The following KCNK9 variants were observed in gnomAD, a reference collection of about 807,000 sequenced individuals.
KCNK9 encodes potassium two pore domain channel subfamily K member 9.
Under a neutral mutation model 10.8 loss-of-function variants are expected in KCNK9, and 1 was observed. The observed-to-expected ratio is 0.09, with a 90% confidence interval of 0.03 to 0.44. The LOEUF (loss-of-function observed/expected upper bound fraction) is 0.44, where lower values mean the gene tolerates loss of function less well. Ranked by LOEUF, KCNK9 falls within the 20% of genes least tolerant of loss-of-function variation. KCNK9 has a pLI of 0.97. For synonymous variants in KCNK9, 231 were observed against 222.7 expected (o/e 1.04, Z -0.33); for missense variants, 303 against 515.0 (o/e 0.59, Z 3.98).
intron 1 of KCNK9, among the ~76,000 whole-genome samples, chr8:139,686,545 C>G (rs1586691903): frequency 6.6e-6 from 1 of 152,162 alleles, no homozygotes; most frequent in African/African-American, 2.4e-5. Flanking sequence ...GTGCAAAATG[C>G]AAGAACTAAC....
At chr8:139,674,167 C>A (rs1183391056) in intron 1 of KCNK9, among the ~76,000 whole-genome samples, 2 of 152,166 alleles carry the variant, frequency 1.3e-5, no homozygotes, top group East Asian at 3.9e-4. Context: ...GGAGGTGGGG[C>A]CTTTGGGGGT....
At chr8:139,677,677 C>G (rs1816583486) in intron 1 of KCNK9, among the ~76,000 whole-genome samples, 1 of 150,220 alleles carries the variant, frequency 6.7e-6, no homozygotes, top group African/African-American at 2.5e-5. Flanking sequence ...CCTCGAGTCC[C>G]AGCCCAGTGG....
At chr8:139,609,439 C>T (rs1441595128), downstream of KCNK9, among the ~76,000 whole-genome samples, 4 of 152,214 alleles carry the variant, frequency 2.6e-5, no homozygotes, top group Non-Finnish European at 5.9e-5. Flanking sequence ...TCCCAGGAAG[C>T]AAAGAGAACC....
intron 1 of KCNK9, among the ~76,000 whole-genome samples, chr8:139,626,397 C>T (rs907025816): frequency 1.3e-5 from 2 of 152,210 alleles, no homozygotes; most frequent in African/African-American, 4.8e-5. Context: ...CAGGCCATTA[C>T]CCCGCTTACC....
In KCNK9 at chr8:139,687,384, G is replaced by GTGT. The variant is rs1816817711; in HGVS notation, c.283+15325_283+15326insACA. Among the ~76,000 whole-genome samples, 18 of 89,964 alleles carry GTGT rather than the reference G, an allele frequency of 2.0e-4. 5 individuals are homozygous for GTGT. The highest frequency in any genetic ancestry group is 2.4e-4 in the Admixed American group (2 of 8,432). The allele number at this position is 89,964 out of a possible 152,430, so 59.0% of individuals were successfully genotyped here. A position where few individuals can be genotyped will look rare whatever the true frequency, so the allele number is the denominator to read the frequency against. ...CATATATATGTGTATACATATATAT[G>GTGT]AATATATATGTGTATACATATATAT... On this transcript the variant is annotated intron_variant, in intron 1 of 1. Coordinates refer to ENST00000520439, the MANE Select transcript of KCNK9 (RefSeq NM_001282534.2).
chr8:139,647,157 G>A (rs1211179911), intron 1 of KCNK9, among the ~76,000 whole-genome samples: 2 of 152,246 alleles, frequency 1.3e-5, no homozygotes, highest in South Asian at 2.1e-4. Context: ...GCTTTTAGGG[G>A]AGCACTCCAC....
intron 1 of KCNK9, among the ~76,000 whole-genome samples, chr8:139,621,312 A>G (rs1814771462): frequency 6.6e-6 from 1 of 150,790 alleles, no homozygotes; most frequent in Non-Finnish European, 1.5e-5. Flanking sequence ...AAAAATAGCC[A>G]AATTTGATGA....
At chr8:139,694,623 G>A (rs573800415) in intron 1 of KCNK9, among the ~76,000 whole-genome samples, 5 of 152,326 alleles carry the variant, frequency 3.3e-5, no homozygotes, top group South Asian at 4.1e-4. Flanking sequence ...GCGTAGGGTA[G>A]GGACCTGCCC....
chr8:139,662,764 A>C (rs918188), intron 1 of KCNK9, among the ~76,000 whole-genome samples: 37,202 of 149,672 alleles, frequency 0.25, 4,894 homozygotes, highest in African/African-American at 0.34. Context: ...AGCCCAGAGG[A>C]TTTAGCAGAG....
chr8:139,684,573 G>C (rs1586690509), intron 1 of KCNK9, among the ~76,000 whole-genome samples: 1 of 152,146 alleles, frequency 6.6e-6, no homozygotes, highest in East Asian at 1.9e-4. Flanking sequence ...GAAAAAGAAG[G>C]CAAAAGGATC....
intron 1 of KCNK9, among the ~76,000 whole-genome samples, chr8:139,660,449 A>AAT (rs35118138): frequency 0.014 from 1,883 of 131,160 alleles, 19 homozygotes; most frequent in South Asian, 0.036. Context: ...GCTAAAAAAA[A>AAT]ATATATATAT....
intron 1 of KCNK9, among the ~76,000 whole-genome samples, chr8:139,694,517 G>T (rs1040974169): frequency 7.2e-5 from 11 of 152,202 alleles, no homozygotes; most frequent in Non-Finnish European, 1.3e-4. Flanking sequence ...CTGCTTCCCA[G>T]CTGTGTGCCT....
At chr8:139,646,202 C>G (rs573485579) in intron 1 of KCNK9, among the ~76,000 whole-genome samples, 1 of 152,328 alleles carries the variant, frequency 6.6e-6, no homozygotes, top group African/African-American at 2.4e-5. Context: ...AAGGTCACAC[C>G]CCTCAGGAAA....
At chr8:139,654,647 A>T (rs917932565) in intron 1 of KCNK9, among the ~76,000 whole-genome samples, 1 of 152,212 alleles carries the variant, frequency 6.6e-6, no homozygotes, top group Non-Finnish European at 1.5e-5. Context: ...GTGGGTCCCT[A>T]TGCAGTTCCC....
intron 1 of KCNK9, among the ~76,000 whole-genome samples, chr8:139,681,162 C>T (rs2129764195): frequency 6.6e-6 from 1 of 152,290 alleles, no homozygotes; most frequent in East Asian, 1.9e-4. Flanking sequence ...CCATGTAAGC[C>T]TCACAAAAAT....
chr8:139,687,031 A>C (rs1816804217), intron 1 of KCNK9, among the ~76,000 whole-genome samples: 3 of 152,200 alleles, frequency 2.0e-5, no homozygotes, highest in Admixed American at 6.5e-5. Flanking sequence ...TTTAATAACA[A>C]TAAAAGCAAA....
At chr8:139,625,228 A>G (rs1010543229) in intron 1 of KCNK9, among the ~76,000 whole-genome samples, 3 of 152,232 alleles carry the variant, frequency 2.0e-5, no homozygotes, top group Non-Finnish European at 4.4e-5. Flanking sequence ...GGGAACTGAC[A>G]GCCTGCCTGC....
chr8:139,689,121 GC>G (rs1280850196), intron 1 of KCNK9, among the ~76,000 whole-genome samples: 22 of 152,260 alleles, frequency 1.4e-4, no homozygotes, highest in African/African-American at 4.6e-4. Context: ...TCATCCACAA[GC>G]CAAAAAGAAA....
downstream of KCNK9, among the ~76,000 whole-genome samples, chr8:139,608,305 C>T (rs1814300590): frequency 6.6e-6 from 1 of 152,174 alleles, no homozygotes; most frequent in Admixed American, 6.5e-5. Flanking sequence ...CAGGCCCACC[C>T]TGGGGGCAGA....
Sources: allele counts gnomAD v4.1 joint callset (sites outside exome capture counted in the v4.1 genomes callset), GRCh38; gene constraint gnomAD v4.1.1; transcripts MANE v1.5; gene names NCBI Gene and HGNC (gene_info 2026-07-23, HGNC 2026-07-21).